The following CHTOP variants were observed in gnomAD, a reference collection of about 807,000 sequenced individuals.
CHTOP encodes chromatin target of PRMT1 protein.
Under a neutral mutation model 33.6 loss-of-function variants are expected in CHTOP, and 18 were observed. The observed-to-expected ratio is 0.54, with a 90% CI of 0.37 to 0.80. The LOEUF is 0.80. CHTOP is among the 30% of genes least tolerant of loss of function. CHTOP has a pLI of 0.00. For synonymous variants in CHTOP, 117 were observed against 127.7 expected, an observed-to-expected ratio of 0.92 and a Z score of 0.56; for missense variants, 263 against 336.8, an observed-to-expected ratio of 0.78 and a Z score of 1.71.
intron 1 of CHTOP, 94 bp from the exon 2 acceptor site, chr1:153,636,478 A>C: frequency 5.5e-6 from 5 of 903,986 alleles, no homozygotes; most frequent in Non-Finnish European, 8.8e-6. Context: ...CATCAGTGAT[A>C]AGGCCTTTTT....
intron 3 of CHTOP, among the ~76,000 whole-genome samples, chr1:153,640,906 C>T (rs928158536): frequency 3.3e-5 from 5 of 152,136 alleles, no homozygotes; most frequent in African/African-American, 9.7e-5. Context: ...ATTGGTGGCA[C>T]TTAAGGATTG....
Position 153,636,612 on chromosome 1 carries a change from A to G in CHTOP, c.24A>G (p.Lys8=), listed in dbSNP as rs765087672. The part of the protein sequence containing the change: MAAQSAP[K]VVLKSTTKMS... ...AGATGGCTGCACAGTCAGCGCCGAA[A>G]GTTGTGCTAAAAAGCACCACCAAGA... The change falls in exon 2 of 6, where the codon AAA becomes AAG. Residue 8 remains lysine, a synonymous_variant. Coordinates refer to ENST00000368694, the MANE Select transcript of CHTOP (RefSeq NM_015607.4). 2.2e-5 allele frequency: 35 copies of G among 1,613,666 alleles called. No homozygotes were observed. In the African/African-American group the frequency reaches 3.7e-4, roughly 17 times the overall value.
chr1:153,642,403 T>TAC lies in CHTOP; in HGVS notation c.378_379dup (p.Leu127HisfsTer20). 1 of 1,613,736 alleles carries TAC rather than the reference T, an allele frequency of 6.2e-7. No homozygotes were observed. Among genetic ancestry groups the TAC allele is most frequent in the Non-Finnish European group, 8.5e-7 (1 of 1,179,732 alleles). On this transcript the variant is annotated frameshift_variant, in exon 4 of 6. Transcript: ENST00000368694. LOFTEE classifies it high-confidence loss of function. ...CGTGGGGGACGTGCCACCAGAACCC[T>TAC]ACTTAGGGGCGGGATGTCACTCCGA...
At position 153,645,650 on chromosome 1, in the gene CHTOP, C is replaced by T. The variant is rs76922901; in HGVS notation, c.*381C>T. On this transcript the variant is annotated 3_prime_UTR_variant, in exon 6 of 6. Transcript: ENST00000368694. ...ACATTTCTTTTGTTCATCCCTGTTG[C>T]CCCCACAGAAACATCCCAGAAAAAC... The T allele has an allele frequency of 0.015, 2,821 of 194,150 alleles. 67 individuals carry two copies. Among genetic ancestry groups the T allele is most frequent in the South Asian group, 0.049 (471 of 9,586 alleles). The allele number at this position is 194,150 out of a possible 1,614,324, so 12.0% of individuals were successfully genotyped here.
intron 3 of CHTOP, 119 bp from the exon 4 acceptor site, chr1:153,642,127 A>G (rs1025494881): frequency 4.1e-6 from 3 of 738,902 alleles, no homozygotes; most frequent in Non-Finnish European, 6.5e-6. Flanking sequence ...CACCCACAAC[A>G]GGTTTATCTC....
intron 3 of CHTOP, among the ~76,000 whole-genome samples, chr1:153,638,964 T>C (rs907234991): frequency 1.3e-5 from 2 of 150,858 alleles, no homozygotes; most frequent in Non-Finnish European, 2.9e-5. Flanking sequence ...CACTGCAAGC[T>C]CCGCCTCCCG....
rs1400796240 is a variant in CHTOP, at chr1:153,645,315, T to C, written c.*46T>C. 1.3e-6 allele frequency: 2 copies of C among 1,573,182 alleles called. No homozygotes were observed. The highest frequency in any genetic ancestry group is 2.2e-5 in the South Asian group (2 of 89,526). The stretch of plus-strand genomic sequence containing the variant: ...AGAGACTCTTGTTAGTCAACACATC[T>C]GTAAATAACCTTGAGATAACAGATG... On this transcript the variant is annotated 3_prime_UTR_variant, in exon 6 of 6. Transcript: ENST00000368694.
chr1:153,644,246 T>C (rs565822735), intron 5 of CHTOP: 119 of 152,360 alleles, frequency 7.8e-4, no homozygotes, highest in African/African-American at 2.6e-3. Flanking sequence ...TTCTCTCCCA[T>C]TATATGATAC....
intron 3 of CHTOP, among the ~76,000 whole-genome samples, chr1:153,639,806 T>G (rs186563858): frequency 1.0e-3 from 153 of 150,718 alleles, no homozygotes; most frequent in East Asian, 4.1e-3. Flanking sequence ...GTTTGGTTTG[T>G]TTTGAGACGG....
rs1008263311 is a variant in CHTOP at position 153,637,158 on chromosome 1, T to G, written c.65+505T>G. The G allele has an allele frequency of 2.0e-5, 3 of 153,314 alleles. No homozygotes were observed. The East Asian group carries it at 5.8e-4, about 29-fold the overall frequency. 9.5% of individuals were successfully genotyped at this position (153,314 alleles called of 1,614,324 possible). On this transcript the variant is annotated intron_variant, in intron 2 of 5. Coordinates refer to ENST00000368694, the MANE Select transcript of CHTOP (RefSeq NM_015607.4). ...TTAGTTTGGTTTTGTTTTGGATTCT[T>G]CTACAGTTAAGTGTTCTTCTCTTCC...
Position 153,638,369 on chromosome 1 carries a change from T to A in CHTOP, c.140T>A (p.Leu47Gln). The change falls in exon 3 of 6, where the codon CTA (leucine) becomes CAA (glutamine). Residue 47 changes from leucine (L) to glutamine (Q), a missense_variant. By Grantham distance (113) the Leu-to-Gln change is moderately radical. Coordinates refer to ENST00000368694, the MANE Select transcript of CHTOP (RefSeq NM_015607.4). ...GCTTCGATGCAGCAACAACAGCAGC[T>A]AGCCAGTGCCAGAAACAGAAGACTG... Reference protein sequence around the residue: ...IRASMQQQQQLASARNRRLAQ... With the variant: ...IRASMQQQQQQASARNRRLAQ... The A allele has an allele frequency of 6.2e-7, 1 of 1,614,242 alleles. No individual in the cohort carries two copies. Among genetic ancestry groups the A allele is most frequent in the Non-Finnish European group, 8.5e-7 (1 of 1,180,028 alleles).
chr1:153,645,686 TC>T lies in CHTOP; in HGVS notation c.*419del, dbSNP rs564813073. The T allele has an allele frequency of 5.0e-5, 9 of 180,346 alleles. No individual in the cohort carries two copies. Among genetic ancestry groups the T allele is most frequent in the Non-Finnish European group, 1.0e-4 (9 of 85,852 alleles). 11.2% of individuals were successfully genotyped at this position (180,346 alleles called of 1,614,324 possible). A position where few individuals can be genotyped will look rare whatever the true frequency, so the allele number is the denominator to read the frequency against. ...ACATCCCAGAAAAACCGGTCAGTGT[TC>T]CTTCCTCCCTGATCCTTAGGTTTCT... On this transcript the variant is annotated 3_prime_UTR_variant, in exon 6 of 6. Coordinates refer to ENST00000368694, the MANE Select transcript of CHTOP (RefSeq NM_015607.4).
chr1:153,636,459 C>G (rs1447420962), intron 1 of CHTOP, 113 bp from the exon 2 acceptor site: 6 of 670,278 alleles, frequency 9.0e-6, no homozygotes, highest in Admixed American at 2.8e-5. Flanking sequence ...CCCTCGTGTG[C>G]TCTTTAGTCA....
At chr1:153,636,537 T>G (rs1285963059) in intron 1 of CHTOP, 35 bp from the exon 2 acceptor site, 1 of 1,548,780 alleles carries the variant, frequency 6.5e-7, no homozygotes, top group African/African-American at 1.4e-5. Flanking sequence ...ATGTCACTAT[T>G]GTGATTTGCT....
chr1:153,636,290 G>T (rs1013299283), intron 1 of CHTOP, among the ~76,000 whole-genome samples: 1 of 151,244 alleles, frequency 6.6e-6, no homozygotes, highest in Non-Finnish European at 1.5e-5. Context: ...TTTGCTGGGC[G>T]TTGGGTCCCA....
intron 3 of CHTOP, among the ~76,000 whole-genome samples, chr1:153,639,093 G>A (rs1394942299): frequency 6.6e-6 from 1 of 152,078 alleles, no homozygotes; most frequent in Non-Finnish European, 1.5e-5. Flanking sequence ...ATACTAGCCA[G>A]GATGGTCTCG....
rs988216647 is a variant in CHTOP, at chr1:153,643,025, T to C, written c.404-202T>C. 1.3e-5 allele frequency: 8 copies of C among 619,652 alleles called. No homozygotes were observed. In the African/African-American group the frequency reaches 1.5e-4, roughly 12 times the overall value. The allele number at this position is 619,652 out of a possible 1,614,324, so 38.4% of individuals were successfully genotyped here. A position where few individuals can be genotyped will look rare whatever the true frequency, so the allele number is the denominator to read the frequency against. ...TTACTAATTGAATTAACTCCCAACT[T>C]CCAAAAATGGATTTGTGGTCAGACT... is the stretch of plus-strand genomic sequence containing the variant. On this transcript the variant is annotated intron_variant, in intron 4 of 5. Transcript: ENST00000368694.
chr1:153,638,515 G>T (rs1309894382), intron 3 of CHTOP, 67 bp downstream of exon 3: 1 of 1,572,542 alleles, frequency 6.4e-7, no homozygotes, highest in Non-Finnish European at 8.7e-7. Context: ...CACTGAGGCT[G>T]TCAGGACGTG....
chr1:153,635,371 C>T (rs1182158060), intron 1 of CHTOP, among the ~76,000 whole-genome samples: 1 of 151,442 alleles, frequency 6.6e-6, no homozygotes, highest in Admixed American at 6.6e-5. Flanking sequence ...AGGCTGGTCT[C>T]GAGCTCCAGG....
Sources: gnomAD v4.1 joint callset for allele counts (sites outside exome capture counted in the v4.1 genomes callset) on GRCh38, gnomAD v4.1.1 for gene constraint, MANE v1.5 for transcripts, NCBI Gene and HGNC (gene_info 2026-07-23, HGNC 2026-07-21) for gene names.